The following ADAMTS13 variants were observed in gnomAD, a reference collection of about 807,000 sequenced individuals.
ADAMTS13 encodes the protein ADAM metallopeptidase with thrombospondin type 1 motif 13.
ADAMTS13 carries 110 observed loss-of-function variants against 155.1 expected under a neutral mutation model. The observed-to-expected ratio is 0.71, with a 90% CI of 0.61 to 0.83. The LOEUF is 0.83. Ranked by LOEUF, ADAMTS13 falls within the 40% of genes least tolerant of loss-of-function variation. ADAMTS13 has a pLI of 0.00. For synonymous variants in ADAMTS13, 758 were observed against 756.4 expected, an observed-to-expected ratio of 1.00 and a Z score of -0.03; for missense variants, 1,707 against 1,891.7, an observed-to-expected ratio of 0.90 and a Z score of 1.81.
At chr9:133,452,061 G>A (rs1554794500) in intron 23 of ADAMTS13, among the ~76,000 whole-genome samples, 1 of 151,544 alleles carries the variant, frequency 6.6e-6, no homozygotes, top group Non-Finnish European at 1.5e-5. Context: ...TGGCTCCTTG[G>A]TGGTATTGGT....
Position 133,422,367 on chromosome 9 carries a change from A to G in ADAMTS13, c.-77A>G, listed in dbSNP as rs1266090266. The G allele has an allele frequency of 2.2e-6, 3 of 1,352,062 alleles. No individual in the cohort carries two copies. Among genetic ancestry groups the G allele is most frequent in the African/African-American group, 2.9e-5 (2 of 69,998 alleles). The allele number at this position is 1,352,062 out of a possible 1,614,324, so 83.8% of individuals were successfully genotyped here. ...GCCCAGTAGTGAGCAGGCCTGTCCC[A>G]TTCCATACTGACCAGATTCCCAGTC... On this transcript the variant is annotated 5_prime_UTR_variant, in exon 1 of 29. Transcript: ENST00000355699.
chr9:133,435,873 G>A (rs1588170040), intron 11 of ADAMTS13, among the ~76,000 whole-genome samples: 1 of 152,014 alleles, frequency 6.6e-6, no homozygotes, highest in East Asian at 1.9e-4. Context: ...TTTCCACAGT[G>A]CCTGAACTGT....
chr9:133,448,492 T>C (rs2130907181), intron 21 of ADAMTS13, 107 bp from the exon 22 acceptor site: 3 of 1,483,804 alleles, frequency 2.0e-6, no homozygotes, highest in Non-Finnish European at 2.8e-6. Context: ...AGAGCCGGGA[T>C]TGAAACCCAT....
At chr9:133,455,667 C>T in intron 25 of ADAMTS13, 1 of 1,576,980 alleles carries the variant, frequency 6.3e-7, no homozygotes, top group South Asian at 1.1e-5. Context: ...AGGCATCTTC[C>T]TCTGGGAAGG....
intron 11 of ADAMTS13, 92 bp from the exon 12 acceptor site, chr9:133,436,737 A>C: frequency 2.1e-5 from 27 of 1,279,538 alleles, no homozygotes; most frequent in Non-Finnish European, 2.9e-5. Flanking sequence ...CCACATCTTG[A>C]TCCTGTACTG....
intron 23 of ADAMTS13, among the ~76,000 whole-genome samples, chr9:133,453,279 A>G (rs1413759453): frequency 6.6e-6 from 1 of 152,150 alleles, no homozygotes; most frequent in Non-Finnish European, 1.5e-5. Flanking sequence ...TACTAAAAAT[A>G]CAAAAAATTA....
intron 2 of ADAMTS13, among the ~76,000 whole-genome samples, chr9:133,423,896 C>T (rs2130775781): frequency 6.6e-6 from 1 of 152,364 alleles, no homozygotes; most frequent in Admixed American, 6.5e-5. Context: ...CCCTGACCCT[C>T]TAAGGGCTCC....
At position 133,428,757 on chromosome 9, in the gene ADAMTS13, G is replaced by A; in HGVS notation, c.810G>A (p.Leu270=). 7.4e-7 allele frequency: 1 copy of A among 1,351,248 alleles called. No individual in the cohort carries two copies. The highest frequency in any genetic ancestry group is 9.5e-7 in the Non-Finnish European group (1 of 1,048,692). 83.7% of individuals were successfully genotyped at this position (1,351,248 alleles called of 1,614,324 possible). The change falls in exon 7 of 29, where the codon CTG becomes CTA. Residue 270 remains leucine (L), a synonymous_variant. Coordinates refer to ENST00000355699, the MANE Select transcript of ADAMTS13 (RefSeq NM_139027.6). The stretch of plus-strand genomic sequence containing the variant: ...GGTCCCCCTGCAGCCGCCGGCAGCT[G>A]CTGAGCCTGCTCAGGTAGCGGCCGC... ...LAWSPCSRRQ[L]LSLLSAGRAR...
intron 1 of ADAMTS13, among the ~76,000 whole-genome samples, chr9:133,416,912 G>A (rs376379594): frequency 1.3e-5 from 2 of 152,330 alleles, no homozygotes; most frequent in African/African-American, 4.8e-5. Flanking sequence ...CTTCAAGACC[G>A]TAAGTGTCGC....
intron 11 of ADAMTS13, among the ~76,000 whole-genome samples, chr9:133,435,617 C>A (rs180880969): frequency 0.01 from 1,559 of 151,878 alleles, 31 homozygotes; most frequent in African/African-American, 0.036. Flanking sequence ...CTAAGCTCCG[C>A]CTCCCAGGTT....
chr9:133,447,459 G>A (rs1320885123), intron 21 of ADAMTS13, among the ~76,000 whole-genome samples: 1 of 152,146 alleles, frequency 6.6e-6, no homozygotes, highest in African/African-American at 2.4e-5. Flanking sequence ...TTTTGGCAGA[G>A]ATGGGATCTC....
intron 1 of ADAMTS13, among the ~76,000 whole-genome samples, chr9:133,416,757 A>G (rs967521881): frequency 6.6e-6 from 1 of 152,236 alleles, no homozygotes; most frequent in Admixed American, 6.5e-5. Flanking sequence ...TAGATGATCT[A>G]TTTAAACTTT....
In ADAMTS13 at chr9:133,439,463, A is replaced by G; in HGVS notation, c.1786+17A>G. On this transcript the variant is annotated intron_variant, in intron 15 of 28. Coordinates refer to ENST00000355699, the MANE Select transcript of ADAMTS13 (RefSeq NM_139027.6). Reference sequence around the variant, plus strand: ...CACACTTGGGTGAGTTGACTGGAGGACTCCCACCCAGTTAGCTAGACTGCA... The same window carrying G: ...CACACTTGGGTGAGTTGACTGGAGGGCTCCCACCCAGTTAGCTAGACTGCA... 1 of 1,601,366 alleles carries G rather than the reference A, an allele frequency of 6.2e-7. No individual in the cohort carries two copies. The highest frequency in any genetic ancestry group is 8.6e-7 in the Non-Finnish European group (1 of 1,168,774).
In ADAMTS13 at chr9:133,430,170, A is replaced by C. The variant is rs3124773; in HGVS notation, c.987+69A>C. On this transcript the variant is annotated intron_variant, in intron 8 of 28. Coordinates refer to ENST00000355699, the MANE Select transcript of ADAMTS13 (RefSeq NM_139027.6). ...CCGCATCACCCAGCTCACGTCCCCCAAAACGTGCATGGTGAGAACCTGCTG... is the reference window on the plus strand; with the variant it reads ...CCGCATCACCCAGCTCACGTCCCCCCAAACGTGCATGGTGAGAACCTGCTG... 1,521,650 of 1,535,240 alleles carry C rather than the reference A, an allele frequency of 0.99. 754,851 individuals are homozygous for C. The highest frequency in any genetic ancestry group is 1 in the East Asian group (41,043 of 41,046).
Position 133,436,874 on chromosome 9 carries a change from A to G in ADAMTS13, c.1354A>G (p.Arg452Gly), listed in dbSNP as rs1554789174. Residue 452 changes from arginine (R) to glycine (G), a missense_variant, in exon 12 of 29, where the codon AGG becomes GGG. Around this residue, in one of 3 missense-constraint regions of ADAMTS13, gnomAD observed 733 missense variants for 749.6 expected, o/e 0.98. Transcript: ENST00000355699. Reference protein sequence around the residue: ...QLEFMSQQCARTDGQPLRSSP... With the variant: ...QLEFMSQQCAGTDGQPLRSSP... ...GGAGTTCATGTCGCAACAGTGCGCCAGGACCGACGGCCAGCCGCTGCGCTC... is the reference window on the plus strand; with the variant it reads ...GGAGTTCATGTCGCAACAGTGCGCCGGGACCGACGGCCAGCCGCTGCGCTC... The G allele has an allele frequency of 3.2e-6, 5 of 1,582,006 alleles. No individual in the cohort carries two copies. Among genetic ancestry groups the G allele is most frequent in the Non-Finnish European group, 4.3e-6 (5 of 1,165,694 alleles).
At chr9:133,450,990 A>G (rs1554794200) in intron 23 of ADAMTS13, among the ~76,000 whole-genome samples, 1 of 152,236 alleles carries the variant, frequency 6.6e-6, no homozygotes, top group African/African-American at 2.4e-5. Context: ...GGAGGTCTCC[A>G]CAGGGACACA....
At chr9:133,420,430 A>G (rs1221476419), upstream of ADAMTS13, among the ~76,000 whole-genome samples, 1 of 152,238 alleles carries the variant, frequency 6.6e-6, no homozygotes, top group Non-Finnish European at 1.5e-5. Flanking sequence ...CCTTCTGTAC[A>G]AAGGTGCATT....
In ADAMTS13 at chr9:133,440,668, G is replaced by A; in HGVS notation, c.1968+143G>A. 1 of 1,060,472 alleles carries A rather than the reference G, an allele frequency of 9.4e-7. No individual in the cohort carries two copies. Among genetic ancestry groups the A allele is most frequent in the Non-Finnish European group, 1.3e-6 (1 of 755,864 alleles). The allele number at this position is 1,060,472 out of a possible 1,614,324, so 65.7% of individuals were successfully genotyped here. On this transcript the variant is annotated intron_variant, in intron 16 of 28. Transcript: ENST00000355699. The surrounding 1 kb of genome is among the most constrained non-coding windows in gnomAD (Gnocchi z 4.3). Reference sequence around the variant, plus strand: ...TTACAGGGGACCCACTATGTGTTGGGCCCTGTGCTAGGCAAAATGTAGCTA... The same window carrying A: ...TTACAGGGGACCCACTATGTGTTGGACCCTGTGCTAGGCAAAATGTAGCTA...
rs1051592515 is a variant in ADAMTS13 at position 133,445,386 on chromosome 9, C to T, written c.2611-313C>T. On this transcript the variant is annotated intron_variant, in intron 20 of 28. Transcript: ENST00000355699. The surrounding 1 kb of genome is among the most constrained non-coding windows in gnomAD (Gnocchi z 5.0). ...CCTTGCTCTCTGGCCTGGGTGCTGGCAACCCTCGCCCCTCATGGCTGGGGG... is the reference window on the plus strand; with the variant it reads ...CCTTGCTCTCTGGCCTGGGTGCTGGTAACCCTCGCCCCTCATGGCTGGGGG... 6.6e-6 allele frequency among the ~76,000 whole-genome samples: 1 copy of T among 152,188 alleles called. No homozygotes were observed. Among genetic ancestry groups the T allele is most frequent in the African/African-American group, 2.4e-5 (1 of 41,454 alleles).
Sources: allele counts gnomAD v4.1 joint callset (sites outside exome capture counted in the v4.1 genomes callset), GRCh38; gene constraint gnomAD v4.1.1; regional missense constraint gnomAD v4.1.1; non-coding constraint Gnocchi (gnomAD v3.1); transcripts MANE v1.5; gene names NCBI Gene and HGNC (gene_info 2026-07-23, HGNC 2026-07-21).